LFNG: variants seen among roughly 807,000 people sequenced by gnomAD.
LFNG encodes the protein LFNG O-fucosylpeptide 3-beta-N-acetylglucosaminyltransferase.
In LFNG, 15 loss-of-function variants were observed where a neutral mutation model predicts 32.7. That is an observed-to-expected ratio of 0.46 (90% confidence interval 0.31 to 0.71). The LOEUF (loss-of-function observed/expected upper bound fraction) is 0.71, where lower values mean the gene tolerates loss of function less well. LFNG is among the 30% of genes least tolerant of loss of function. The probability of loss-of-function intolerance (pLI) is 0.06; values close to 1 mark genes in which losing one functional copy is unlikely to be tolerated. For missense variants in LFNG, 520 were observed against 545.7 expected (o/e 0.95, Z 0.47); for synonymous variants, 274 against 246.8 (o/e 1.11, Z -1.03).
chr7:2,527,499 C>T lies in LFNG; in HGVS notation c.*287C>T. The T allele has an allele frequency of 7.3e-7, 1 of 1,369,688 alleles. No individual in the cohort carries two copies. The highest frequency in any genetic ancestry group is 9.5e-7 in the Non-Finnish European group (1 of 1,056,874). 84.8% of individuals were successfully genotyped at this position (1,369,688 alleles called of 1,614,324 possible). On this transcript the variant is annotated 3_prime_UTR_variant, in exon 8 of 8. Coordinates refer to ENST00000222725, the MANE Select transcript of LFNG (RefSeq NM_001040167.2). The surrounding 1 kb of genome is among the most constrained non-coding windows in gnomAD (Gnocchi z 4.4). ...AAGGATTTGTGTGTCGGAGGCCACTCCGAGGGCAATTCTGTTAGGATTTTT... is the reference window on the plus strand; with the variant it reads ...AAGGATTTGTGTGTCGGAGGCCACTTCGAGGGCAATTCTGTTAGGATTTTT...
At position 2,520,018 on chromosome 7, in the gene LFNG, CCGGCGCCCGGGCTGGGGGCGGCGGCGG is replaced by C. The variant is rs1008506097; in HGVS notation, c.169_195del (p.Leu57_Gly65del). 12 of 1,002,096 alleles carry C rather than the reference CCGGCGCCCGGGCTGGGGGCGGCGGCGG, an allele frequency of 1.2e-5. No individual in the cohort carries two copies. Among genetic ancestry groups the C allele is most frequent in the East Asian group, 1.0e-4 (1 of 9,590 alleles). 62.1% of individuals were successfully genotyped at this position (1,002,096 alleles called of 1,614,324 possible). ...CCTGGCGGGCCCCGCGGGGGCTGCC[CCGGCGCCCGGGCTGGGGGCGGCGGCGG>C]CGGCGCCCGGGGCGCTGGTCCGCGA... On this transcript the variant is annotated inframe_deletion, in exon 1 of 8. Coordinates refer to ENST00000222725, the MANE Select transcript of LFNG (RefSeq NM_001040167.2). This position sits in a 1 kb window ranked among gnomAD's most constrained non-coding sequence, Gnocchi z 5.0.
rs552474441 is a variant in LFNG, at chr7:2,526,543, G to A, written c.987+134G>A. On this transcript the variant is annotated intron_variant, in intron 6 of 7. Transcript: ENST00000222725. The surrounding 1 kb of genome is among the most constrained non-coding windows in gnomAD (Gnocchi z 6.9). ...GCAGCACTCCACTGTCAGCCAGGGG[G>A]GGTCACTCCTGCCATGAGCTCAAAG... 2.0e-6 allele frequency: 2 copies of A among 986,180 alleles called. No homozygotes were observed. Among genetic ancestry groups the A allele is most frequent in the East Asian group, 2.6e-5 (1 of 38,870 alleles). The allele number at this position is 986,180 out of a possible 1,614,324, so 61.1% of individuals were successfully genotyped here.
In LFNG at chr7:2,526,536, C is replaced by A; in HGVS notation, c.987+127C>A. The A allele has an allele frequency of 2.9e-6, 3 of 1,043,130 alleles. No homozygotes were observed. Among genetic ancestry groups the A allele is most frequent in the Non-Finnish European group, 4.3e-6 (3 of 704,772 alleles). 64.6% of individuals were successfully genotyped at this position (1,043,130 alleles called of 1,614,324 possible). A position where few individuals can be genotyped will look rare whatever the true frequency, so the allele number is the denominator to read the frequency against. On this transcript the variant is annotated intron_variant, in intron 6 of 7. Coordinates refer to ENST00000222725, the MANE Select transcript of LFNG (RefSeq NM_001040167.2). The surrounding 1 kb of genome is among the most constrained non-coding windows in gnomAD (Gnocchi z 6.9). ...AGGCCAGGCAGCACTCCACTGTCAG[C>A]CAGGGGGGGTCACTCCTGCCATGAG...
intron 1 of LFNG, among the ~76,000 whole-genome samples, chr7:2,521,204 G>A (rs985206602): frequency 6.6e-6 from 1 of 152,140 alleles, no homozygotes; most frequent in African/African-American, 2.4e-5. Flanking sequence ...GCAGGGCTTG[G>A]TGAGGTCATG....
upstream of LFNG, chr7:2,518,412 G>C (rs1779682543): frequency 1.4e-6 from 1 of 700,878 alleles, no homozygotes; most frequent in Non-Finnish European, 2.6e-6. Flanking sequence ...ACAGGGGCTA[G>C]GGGTGGGGCC....
At chr7:2,513,430 G>A, upstream of LFNG, 26 of 1,287,674 alleles carry the variant, frequency 2.0e-5, no homozygotes, top group East Asian at 5.2e-5. Flanking sequence ...TCCTTTCAAG[G>A]GGGAAAGATG....
rs1282174824 is a variant in LFNG at position 2,526,623 on chromosome 7, A to C, written c.988-213A>C. Among the ~76,000 whole-genome samples, 1 of 151,998 alleles carries C rather than the reference A, an allele frequency of 6.6e-6. No individual in the cohort carries two copies. Among genetic ancestry groups the C allele is most frequent in the Non-Finnish European group, 1.5e-5 (1 of 67,988 alleles). On this transcript the variant is annotated intron_variant, in intron 6 of 7. Coordinates refer to ENST00000222725, the MANE Select transcript of LFNG (RefSeq NM_001040167.2). The surrounding 1 kb of genome is among the most constrained non-coding windows in gnomAD (Gnocchi z 6.9). ...CTCTTCTCTTCACTGTGATGCGCCT[A>C]CTGTGCGTATTTTGTCCACGCTGGC...
intron 1 of LFNG, 50 bp from the exon 2 acceptor site, chr7:2,524,645 T>G (rs1291067375): frequency 7.1e-6 from 11 of 1,542,860 alleles, no homozygotes; most frequent in Non-Finnish European, 9.7e-6. Flanking sequence ...CAGATGGCCC[T>G]GGGGTGGGGA....
Position 2,520,087 on chromosome 7 carries a change from G to C in LFNG, c.226G>C (p.Glu76Gln). 1 of 1,320,122 alleles carries C rather than the reference G, an allele frequency of 7.6e-7. No individual in the cohort carries two copies. The highest frequency in any genetic ancestry group is 9.8e-7 in the Non-Finnish European group (1 of 1,025,336). The allele number at this position is 1,320,122 out of a possible 1,614,324, so 81.8% of individuals were successfully genotyped here. A position where few individuals can be genotyped will look rare whatever the true frequency, so the allele number is the denominator to read the frequency against. Residue 76 changes from glutamate to glutamine, a missense_variant, in exon 1 of 8, where the codon GAG (glutamate) becomes CAG (glutamine). Coordinates refer to ENST00000222725, the MANE Select transcript of LFNG (RefSeq NM_001040167.2). This position sits in a 1 kb window ranked among gnomAD's most constrained non-coding sequence, Gnocchi z 5.0. ...ALVRDVHSLS[E>Q]YFSLLTRARR... ...GGTCCGCGACGTGCACAGTCTGTCC[G>C]AGTACTTCAGCCTGCTCACCCGCGC... is the stretch of plus-strand genomic sequence containing the variant.
At chr7:2,519,146 G>A (rs1425052116), upstream of LFNG, among the ~76,000 whole-genome samples, 1 of 152,190 alleles carries the variant, frequency 6.6e-6, no homozygotes, top group African/African-American at 2.4e-5. Context: ...AATCAGCCAG[G>A]GAGGAAGGAG....
intron 1 of LFNG, among the ~76,000 whole-genome samples, chr7:2,524,110 G>T (rs1583275004): frequency 6.6e-6 from 1 of 152,316 alleles, no homozygotes; most frequent in East Asian, 1.9e-4. Context: ...CCAGGACAAA[G>T]CTGGCGGACA....
chr7:2,512,717 G>C (rs1413669404), intron 1 of LFNG: 1 of 1,613,138 alleles, frequency 6.2e-7, no homozygotes, highest in South Asian at 1.1e-5. Context: ...CCTCAGGGTT[G>C]CTTTTCCTCC....
chr7:2,525,373 C>A, intron 3 of LFNG, 41 bp from the exon 4 acceptor site: 1 of 1,612,278 alleles, frequency 6.2e-7, no homozygotes, highest in Non-Finnish European at 8.5e-7. Flanking sequence ...GCAGCGCCCG[C>A]CCCGGCATGC....
upstream of LFNG, chr7:2,513,150 C>G (rs1424774643): frequency 3.7e-6 from 6 of 1,613,108 alleles, no homozygotes; most frequent in Non-Finnish European, 5.1e-6. Flanking sequence ...CTACTACCTT[C>G]CCCCAGTGCC....
chr7:2,515,044 ATCTG>A (rs1779591055), upstream of LFNG, among the ~76,000 whole-genome samples: 1 of 59,592 alleles, frequency 1.7e-5, no homozygotes, highest in African/African-American at 1.1e-4. Flanking sequence ...CCATCCATCC[ATCTG>A]TCCATCCATC....
chr7:2,512,661 G>A lies in LFNG; in HGVS notation c.7G>A (p.Glu3Lys), dbSNP rs750953335. 3 of 1,613,786 alleles carry A rather than the reference G, an allele frequency of 1.9e-6. No homozygotes were observed. In the South Asian group the frequency reaches 3.3e-5, roughly 18 times the overall value. The stretch of plus-strand genomic sequence containing the variant: ...GGACCCAAAGCTCAGAGGGATGGAT[G>A]AACAGACAGGAAGGCTCAGGCTGGA... Residue 3 changes from glutamate to lysine, a missense_variant, in exon 1 of 9, where the codon GAA (glutamate) becomes AAA (lysine). Physicochemically the swap from Glu to Lys is moderately conservative, Grantham distance 56 (BLOSUM62 1). Coordinates refer to the LFNG transcript ENST00000402506.
chr7:2,528,249 G>A lies in LFNG; in HGVS notation c.*1037G>A, dbSNP rs879679836. The A allele has an allele frequency of 2.6e-5, 26 of 985,900 alleles. No homozygotes were observed. The highest frequency in any genetic ancestry group is 3.0e-5 in the Non-Finnish European group (25 of 830,052). 61.1% of individuals were successfully genotyped at this position (985,900 alleles called of 1,614,324 possible). A position where few individuals can be genotyped will look rare whatever the true frequency, so the allele number is the denominator to read the frequency against. Reference sequence around the variant, plus strand: ...ATCCCTGCCCTCCTCCTGTGTAGCTGCCACCTCCCCGCTGGGCCCAGCATG... The same window carrying A: ...ATCCCTGCCCTCCTCCTGTGTAGCTACCACCTCCCCGCTGGGCCCAGCATG... On this transcript the variant is annotated 3_prime_UTR_variant, in exon 8 of 8. Coordinates refer to ENST00000222725, the MANE Select transcript of LFNG (RefSeq NM_001040167.2).
At position 2,520,342 on chromosome 7, in the gene LFNG, C is replaced by T; in HGVS notation, c.432+49C>T. 1 of 1,535,042 alleles carries T rather than the reference C, an allele frequency of 6.5e-7. No homozygotes were observed. Among genetic ancestry groups the T allele is most frequent in the African/African-American group, 1.4e-5 (1 of 72,238 alleles). ...GGCGGGCGAGCGGGGCGGGGACCCACCATCTGGTCCAGCTGGTGGCAGTGT... is the reference window on the plus strand; with the variant it reads ...GGCGGGCGAGCGGGGCGGGGACCCATCATCTGGTCCAGCTGGTGGCAGTGT... On this transcript the variant is annotated intron_variant, in intron 1 of 7. Transcript: ENST00000222725. The surrounding 1 kb of genome is among the most constrained non-coding windows in gnomAD (Gnocchi z 5.0).
At position 2,520,227 on chromosome 7, in the gene LFNG, C is replaced by T; in HGVS notation, c.366C>T (p.Thr122=). 6.2e-7 allele frequency: 1 copy of T among 1,610,018 alleles called. No homozygotes were observed. Residue 122 remains threonine, a synonymous_variant, in exon 1 of 8, where the codon ACC becomes ACT. Transcript: ENST00000222725. This position sits in a 1 kb window ranked among gnomAD's most constrained non-coding sequence, Gnocchi z 5.0. ...PRDVFIAVKT[T]KKFHRARLDL... ...ACGTCTTCATCGCTGTCAAGACCAC[C>T]AAAAAGTTCCACCGCGCGCGCCTCG... is the stretch of plus-strand genomic sequence containing the variant.
Sources: allele counts gnomAD v4.1 joint callset (sites outside exome capture counted in the v4.1 genomes callset), GRCh38; gene constraint gnomAD v4.1.1; non-coding constraint Gnocchi (gnomAD v3.1); transcripts MANE v1.5; gene names NCBI Gene and HGNC (gene_info 2026-07-23, HGNC 2026-07-21).